The following PTPRZ1 variants were observed in gnomAD, a reference collection of about 807,000 sequenced individuals.
PTPRZ1 encodes the protein protein tyrosine phosphatase receptor type Z1, also known as receptor-type tyrosine-protein phosphatase zeta.
A neutral mutation model predicts 214.1 loss-of-function variants in PTPRZ1; 82 were observed. The ratio of observed to expected loss-of-function variants is 0.38; its 90% CI spans 0.32 to 0.46. The LOEUF is 0.46. Among genes scored for constraint, PTPRZ1 ranks in the 20% least tolerant of loss-of-function variants. The probability of loss-of-function intolerance (pLI) is 1.00; values close to 1 mark genes in which losing one functional copy is unlikely to be tolerated. For missense variants in PTPRZ1, 2,603 were observed against 2,748.7 expected (o/e 0.95, Z 1.19); for synonymous variants, 945 against 987.9 (o/e 0.96, Z 0.81).
At chr7:121,937,779 A>G (rs1194663719) in intron 2 of PTPRZ1, among the ~76,000 whole-genome samples, 1 of 152,196 alleles carries the variant, frequency 6.6e-6, no homozygotes, top group African/African-American at 2.4e-5. Context: ...GATGACCAAT[A>G]AAAAGGAGCC....
At chr7:121,948,198 A>G (rs536416961) in intron 2 of PTPRZ1, among the ~76,000 whole-genome samples, 12 of 151,998 alleles carry the variant, frequency 7.9e-5, no homozygotes, top group Non-Finnish European at 1.6e-4. Flanking sequence ...GGTGAGTATC[A>G]CCTGTCTGTT....
At chr7:121,885,189 A>G (rs1407965199) in intron 1 of PTPRZ1, among the ~76,000 whole-genome samples, 1 of 152,194 alleles carries the variant, frequency 6.6e-6, no homozygotes, top group African/African-American at 2.4e-5. Flanking sequence ...CACTCTTCTT[A>G]TATGTTCTGT....
intron 11 of PTPRZ1, among the ~76,000 whole-genome samples, chr7:122,006,851 A>G (rs1477247772): frequency 1.3e-5 from 2 of 152,090 alleles, no homozygotes; most frequent in South Asian, 2.1e-4. Context: ...ATGCAAACAA[A>G]CAAGGGGTGG....
intron 22 of PTPRZ1, among the ~76,000 whole-genome samples, chr7:122,043,809 T>G (rs1246663132): frequency 6.6e-6 from 1 of 152,034 alleles, no homozygotes; most frequent in Non-Finnish European, 1.5e-5. Flanking sequence ...AATGGACTAA[T>G]GGGTATGAGC....
intron 10 of PTPRZ1, among the ~76,000 whole-genome samples, chr7:122,001,489 T>C (rs1284114447): frequency 6.6e-6 from 1 of 152,222 alleles, no homozygotes; most frequent in Non-Finnish European, 1.5e-5. Context: ...TACTGTGTGC[T>C]TTCAGTTGTA....
intron 6 of PTPRZ1, among the ~76,000 whole-genome samples, chr7:121,977,343 T>C (rs1181236911): frequency 6.6e-6 from 1 of 152,212 alleles, no homozygotes; most frequent in East Asian, 1.9e-4. Flanking sequence ...AACACTTACA[T>C]AGAAGAAGAT....
intron 2 of PTPRZ1, among the ~76,000 whole-genome samples, chr7:121,967,708 G>A (rs1286638464): frequency 6.6e-6 from 1 of 152,084 alleles, no homozygotes; most frequent in Non-Finnish European, 1.5e-5. Context: ...ACCAAACCTT[G>A]GTTGTTGTTC....
intron 23 of PTPRZ1, among the ~76,000 whole-genome samples, chr7:122,046,884 C>T (rs1283020621): frequency 6.6e-6 from 1 of 151,966 alleles, no homozygotes; most frequent in Admixed American, 6.6e-5. Context: ...TCCTTGAAGC[C>T]TCGGAATTGG....
At chr7:122,050,983 C>A (rs577848883) in intron 23 of PTPRZ1, among the ~76,000 whole-genome samples, 87 of 152,092 alleles carry the variant, frequency 5.7e-4, no homozygotes, top group African/African-American at 1.9e-3. Context: ...TATTCACTAG[C>A]TGAGGAGTAG....
At chr7:121,991,617 A>G (rs1040419469) in intron 8 of PTPRZ1, among the ~76,000 whole-genome samples, 1 of 152,190 alleles carries the variant, frequency 6.6e-6, no homozygotes, top group Non-Finnish European at 1.5e-5. Flanking sequence ...ATGTATGTAA[A>G]CACTGTACTG....
chr7:121,934,512 A>C (rs1040744206), intron 2 of PTPRZ1, among the ~76,000 whole-genome samples: 1 of 136,598 alleles, frequency 7.3e-6, no homozygotes, highest in African/African-American at 2.8e-5. Flanking sequence ...AAAAAAAAAA[A>C]GCTCTGCATT....
At chr7:121,904,250 G>A (rs547332984) in intron 1 of PTPRZ1, among the ~76,000 whole-genome samples, 3 of 152,158 alleles carry the variant, frequency 2.0e-5, no homozygotes, top group Admixed American at 6.5e-5. Flanking sequence ...AGATTGAGCC[G>A]TTTTTCAAGT....
At chr7:122,019,025 G>T (rs1013603342) in intron 12 of PTPRZ1, 99 bp from the exon 13 acceptor site, 2 of 1,156,228 alleles carry the variant, frequency 1.7e-6, no homozygotes, top group Non-Finnish European at 2.4e-6. Context: ...AATTTTAAAG[G>T]TAAGTAACAG....
chr7:121,947,686 T>C (rs1397971116), intron 2 of PTPRZ1, among the ~76,000 whole-genome samples: 1 of 152,190 alleles, frequency 6.6e-6, no homozygotes. Context: ...CTAAAATAAA[T>C]GGAAGCAGGA....
chr7:121,917,784 C>T (rs1277507157), intron 1 of PTPRZ1, among the ~76,000 whole-genome samples: 5 of 151,804 alleles, frequency 3.3e-5, no homozygotes, highest in African/African-American at 1.2e-4. Flanking sequence ...TGTAAGATTC[C>T]GATCTTAAAA....
At position 122,019,204 on chromosome 7, in the gene PTPRZ1, G is replaced by C; in HGVS notation, c.4924G>C (p.Val1642Leu). The change falls in exon 13 of 30, where the codon GTG becomes CTG. Residue 1642 changes from valine (V) to leucine (L), a missense_variant. By Grantham distance (32) the Val-to-Leu change is conservative (BLOSUM62 1). This residue lies in a region of PTPRZ1 where 1,913 missense variants were observed against 1,914.3 expected (regional missense o/e 1.00). Transcript: ENST00000393386. ...CGAGAAGAAGGCAGTTATACCCCTT[G>C]TGATCGTGTCAGCCCTGACTTTTAT... ...ESEKKAVIPLVIVSALTFICL... is the reference protein window; with the variant it reads ...ESEKKAVIPLLIVSALTFICL... 3.1e-6 allele frequency: 5 copies of C among 1,611,952 alleles called. No homozygotes were observed. Among genetic ancestry groups the C allele is most frequent in the Non-Finnish European group, 4.2e-6 (5 of 1,178,076 alleles).
At chr7:121,902,370 T>A (rs1460946043) in intron 1 of PTPRZ1, among the ~76,000 whole-genome samples, 1 of 152,196 alleles carries the variant, frequency 6.6e-6, no homozygotes, top group African/African-American at 2.4e-5. Flanking sequence ...TTCCTTTGGA[T>A]ATATACCCAG....
intron 2 of PTPRZ1, among the ~76,000 whole-genome samples, chr7:121,955,970 C>G (rs1448093420): frequency 6.6e-6 from 1 of 152,084 alleles, no homozygotes; most frequent in Non-Finnish European, 1.5e-5. Flanking sequence ...GATAGGAGGA[C>G]TTTGGGGTTC....
At chr7:121,897,842 A>G (rs1160365240) in intron 1 of PTPRZ1, among the ~76,000 whole-genome samples, 3 of 152,204 alleles carry the variant, frequency 2.0e-5, no homozygotes, top group South Asian at 4.1e-4. Context: ...AGAGGACATC[A>G]TGGTATATAT....
Sources: allele counts gnomAD v4.1 joint callset (sites outside exome capture counted in the v4.1 genomes callset), GRCh38; gene constraint gnomAD v4.1.1; regional missense constraint gnomAD v4.1.1; transcripts MANE v1.5; gene names NCBI Gene and HGNC (gene_info 2026-07-23, HGNC 2026-07-21).